The following BMP6 variants were observed in gnomAD, a reference collection of about 807,000 sequenced individuals.
The protein encoded by BMP6 is bone morphogenetic protein 6, also known as VG-1-R.
In BMP6, 17 loss-of-function variants were observed where a neutral mutation model predicts 54.1. That is an observed-to-expected ratio of 0.31 (90% CI 0.22 to 0.47). The LOEUF (loss-of-function observed/expected upper bound fraction) is 0.47, where lower values mean the gene tolerates loss of function less well. BMP6 is among the 20% of genes least tolerant of loss of function. The probability of loss-of-function intolerance (pLI) is 1.00; values close to 1 mark genes in which losing one functional copy is unlikely to be tolerated. For synonymous variants in BMP6, 328 were observed against 291.2 expected (o/e 1.13, Z -1.28); for missense variants, 720 against 690.4 (o/e 1.04, Z -0.48).
intron 4 of BMP6, among the ~76,000 whole-genome samples, chr6:7,863,627 A>G (rs1158358324): frequency 6.6e-6 from 1 of 152,150 alleles, no homozygotes; most frequent in Non-Finnish European, 1.5e-5. Context: ...GAGCTAAGGA[A>G]TAAGGTGAGT....
At chr6:7,804,873 A>G (rs1758325601) in intron 1 of BMP6, among the ~76,000 whole-genome samples, 1 of 140,496 alleles carries the variant, frequency 7.1e-6, no homozygotes, top group South Asian at 2.3e-4. Flanking sequence ...AATATTTTCC[A>G]ACGCTTTCTA....
intron 1 of BMP6, among the ~76,000 whole-genome samples, chr6:7,746,085 T>C (rs1231199424): frequency 6.6e-6 from 1 of 152,144 alleles, no homozygotes; most frequent in Non-Finnish European, 1.5e-5. Context: ...TTGGTAGGTA[T>C]AGAGGCAAAG....
chr6:7,862,563 G>A lies in BMP6; in HGVS notation c.1204+65G>A, dbSNP rs1759352715. 5.7e-6 allele frequency: 9 copies of A among 1,587,766 alleles called. No individual in the cohort carries two copies. In the South Asian group the frequency reaches 8.9e-5, roughly 16 times the overall value. On this transcript the variant is annotated intron_variant, in intron 4 of 6. Coordinates refer to ENST00000283147, the MANE Select transcript of BMP6 (RefSeq NM_001718.6). ...TGGCCTCAGTGAGAACAAAAGTTGT[G>A]TCCACAGTCTCAGATGTCGGGCAGC... is the stretch of plus-strand genomic sequence containing the variant.
intron 1 of BMP6, among the ~76,000 whole-genome samples, chr6:7,790,723 T>C (rs1044821196): frequency 6.6e-6 from 1 of 152,112 alleles, no homozygotes; most frequent in Non-Finnish European, 1.5e-5. Context: ...TTGAGGCTTT[T>C]GTAGTACAAA....
In BMP6 at chr6:7,768,408, A is replaced by C. The variant is rs531155516; in HGVS notation, c.664+40789A>C. Among the ~76,000 whole-genome samples the C allele has an allele frequency of 7.9e-5, 12 of 151,942 alleles. No individual in the cohort carries two copies. In the South Asian group the frequency reaches 2.1e-3, roughly 26 times the overall value. ...GTTTCTCTGGCGTTGGTTCCTTTGG[A>C]GGTTTCTGCTCTGGTAAGTTTGAGT... On this transcript the variant is annotated intron_variant, in intron 1 of 6. Coordinates refer to ENST00000283147, the MANE Select transcript of BMP6 (RefSeq NM_001718.6).
chr6:7,801,831 C>G (rs1758273729), intron 1 of BMP6, among the ~76,000 whole-genome samples: 1 of 152,192 alleles, frequency 6.6e-6, no homozygotes, highest in Non-Finnish European at 1.5e-5. Flanking sequence ...GTAGACACAA[C>G]AGATGTTGTT....
intron 1 of BMP6, among the ~76,000 whole-genome samples, chr6:7,784,870 TG>T (rs1757999241): frequency 6.6e-6 from 1 of 152,190 alleles, no homozygotes; most frequent in Admixed American, 6.5e-5. Flanking sequence ...TCCTCCTTGC[TG>T]GGGCTGCAGA....
intron 1 of BMP6, among the ~76,000 whole-genome samples, chr6:7,833,954 C>T (rs1021083357): frequency 1.3e-5 from 2 of 152,194 alleles, no homozygotes; most frequent in Non-Finnish European, 2.9e-5. Context: ...ATGAGTGTCA[C>T]GGGCTCAGGG....
At chr6:7,876,389 T>C (rs1045921301) in intron 4 of BMP6, among the ~76,000 whole-genome samples, 4 of 152,236 alleles carry the variant, frequency 2.6e-5, no homozygotes, top group Non-Finnish European at 5.9e-5. Flanking sequence ...ATGTTTGCCT[T>C]TCTTTAGTTG....
At chr6:7,729,703 T>A (rs1422927647) in intron 1 of BMP6, among the ~76,000 whole-genome samples, 2 of 152,144 alleles carry the variant, frequency 1.3e-5, no homozygotes, top group African/African-American at 4.8e-5. Flanking sequence ...AGGAAATGGA[T>A]ACATTGTCCC....
intron 1 of BMP6, among the ~76,000 whole-genome samples, chr6:7,830,579 C>T (rs960158173): frequency 3.9e-5 from 6 of 152,106 alleles, no homozygotes; most frequent in Non-Finnish European, 8.8e-5. Context: ...GTGTATTAGT[C>T]CATTTTCAAA....
intron 4 of BMP6, among the ~76,000 whole-genome samples, chr6:7,875,351 C>T (rs1054290974): frequency 4.6e-5 from 7 of 152,112 alleles, no homozygotes; most frequent in African/African-American, 1.7e-4. Flanking sequence ...TTATTTCTTC[C>T]AGAAATACCT....
At chr6:7,752,561 T>C (rs1191892106) in intron 1 of BMP6, among the ~76,000 whole-genome samples, 1 of 146,304 alleles carries the variant, frequency 6.8e-6, no homozygotes, top group African/African-American at 2.6e-5. Flanking sequence ...CAACATAGGT[T>C]TTTTTTTTTT....
intron 1 of BMP6, among the ~76,000 whole-genome samples, chr6:7,769,373 G>T (rs557409631): frequency 6.6e-6 from 1 of 152,298 alleles, no homozygotes; most frequent in Non-Finnish European, 1.5e-5. Context: ...GATGCCTGGG[G>T]GGGTGGGAGT....
At position 7,727,633 on chromosome 6, in the gene BMP6, G is replaced by C. The variant is rs756028402; in HGVS notation, c.664+14G>C. 2.0e-6 allele frequency: 3 copies of C among 1,528,714 alleles called. No individual in the cohort carries two copies. In the African/African-American group the frequency reaches 4.2e-5, roughly 21 times the overall value. 94.7% of individuals were successfully genotyped at this position (1,528,714 alleles called of 1,614,324 possible). On this transcript the variant is annotated intron_variant, in intron 1 of 6. Coordinates refer to ENST00000283147, the MANE Select transcript of BMP6 (RefSeq NM_001718.6). The stretch of plus-strand genomic sequence containing the variant: ...TTGTGAACCTGGGTAAGGATTTGGG[G>C]TAACGTAATGACGAGAACATTTCCC...
intron 1 of BMP6, among the ~76,000 whole-genome samples, chr6:7,840,996 A>G (rs541185556): frequency 6.6e-6 from 1 of 152,308 alleles, no homozygotes; most frequent in East Asian, 1.9e-4. Context: ...TACTCAGCAA[A>G]GACATACTCC....
intron 1 of BMP6, among the ~76,000 whole-genome samples, chr6:7,835,201 C>T (rs1205886249): frequency 6.6e-6 from 1 of 152,202 alleles, no homozygotes; most frequent in Non-Finnish European, 1.5e-5. Context: ...CGGCTCACTG[C>T]CAGCTCCGCC....
intron 1 of BMP6, among the ~76,000 whole-genome samples, chr6:7,835,583 G>A (rs565199839): frequency 5.9e-5 from 9 of 152,306 alleles, no homozygotes; most frequent in East Asian, 1.9e-4. Flanking sequence ...GTGAAAAAAG[G>A]CATGTTGTGT....
chr6:7,856,120 T>TA (rs56264814), intron 2 of BMP6, among the ~76,000 whole-genome samples: 1,771 of 83,630 alleles, frequency 0.021, 61 homozygotes, highest in African/African-American at 0.055. Flanking sequence ...TCAAAGACTG[T>TA]AAAAAAAAAA....
Sources: gnomAD v4.1 joint callset for allele counts (sites outside exome capture counted in the v4.1 genomes callset) on GRCh38, gnomAD v4.1.1 for gene constraint, MANE v1.5 for transcripts, NCBI Gene and HGNC (gene_info 2026-07-23, HGNC 2026-07-21) for gene names.